TBC1D1: variants seen among roughly 807,000 people sequenced by gnomAD.
The protein encoded by TBC1D1 is TBC1 (tre-2/USP6, BUB2, cdc16) domain family, member 1.
A neutral mutation model predicts 125.6 loss-of-function variants in TBC1D1; 89 were observed. The observed-to-expected ratio is 0.71, with a 90% CI of 0.60 to 0.85. The LOEUF (loss-of-function observed/expected upper bound fraction) is 0.85. TBC1D1 is among the 40% of genes least tolerant of loss of function. The pLI is 0.00. For missense variants in TBC1D1, 1,377 were observed against 1,469.2 expected, an observed-to-expected ratio of 0.94 and a Z score of 1.03; for synonymous variants, 565 against 564.1, an observed-to-expected ratio of 1.00 and a Z score of -0.02.
At chr4:38,097,220 TG>T (rs1187429479) in intron 14 of TBC1D1, among the ~76,000 whole-genome samples, 2 of 152,182 alleles carry the variant, frequency 1.3e-5, no homozygotes, top group Non-Finnish European at 2.9e-5. Flanking sequence ...TGGAGTGCAA[TG>T]GCGCGATCTC....
chr4:37,928,669 C>A (rs759509650), intron 2 of TBC1D1, among the ~76,000 whole-genome samples: 3 of 152,182 alleles, frequency 2.0e-5, no homozygotes, highest in Non-Finnish European at 4.4e-5. Context: ...AACAGCCGAC[C>A]CATGCCAATT....
At chr4:38,026,106 A>G (rs1745031148) in intron 6 of TBC1D1, among the ~76,000 whole-genome samples, 1 of 151,976 alleles carries the variant, frequency 6.6e-6, no homozygotes, top group Non-Finnish European at 1.5e-5. Flanking sequence ...CATTTCTAAT[A>G]TTCATTTTAG....
chr4:38,119,212 A>G (rs1392836691), intron 17 of TBC1D1, among the ~76,000 whole-genome samples: 1 of 152,214 alleles, frequency 6.6e-6, no homozygotes, highest in Non-Finnish European at 1.5e-5. Context: ...ATACTACTTC[A>G]GACATGCTTT....
intron 1 of TBC1D1, among the ~76,000 whole-genome samples, chr4:37,896,598 C>A (rs1372109131): frequency 6.6e-6 from 1 of 152,026 alleles, no homozygotes; most frequent in Non-Finnish European, 1.5e-5. Flanking sequence ...TAAGAACAAA[C>A]AATATTTGGA....
chr4:37,985,425 G>A (rs1380551798), intron 2 of TBC1D1, among the ~76,000 whole-genome samples: 1 of 152,058 alleles, frequency 6.6e-6, no homozygotes, highest in East Asian at 1.9e-4. Flanking sequence ...ATGCACTTTG[G>A]TTATTTTCCT....
chr4:38,038,948 G>GAAAAAA (rs565226039), intron 8 of TBC1D1, among the ~76,000 whole-genome samples: 7 of 137,816 alleles, frequency 5.1e-5, no homozygotes, highest in African/African-American at 1.1e-4. Context: ...TCCCTCTCGG[G>GAAAAAA]AAAAAAAAAA....
chr4:38,063,717 C>T (rs1389507042), intron 12 of TBC1D1, among the ~76,000 whole-genome samples: 1 of 151,950 alleles, frequency 6.6e-6, no homozygotes, highest in Admixed American at 6.6e-5. Context: ...CAACCTCTGC[C>T]TCCTGGGTTC....
At chr4:37,929,054 A>G (rs1027151232) in intron 2 of TBC1D1, among the ~76,000 whole-genome samples, 3 of 152,202 alleles carry the variant, frequency 2.0e-5, no homozygotes, top group Non-Finnish European at 4.4e-5. Flanking sequence ...GGTGCTCTAA[A>G]TGTGTCATGA....
intron 2 of TBC1D1, among the ~76,000 whole-genome samples, chr4:37,994,713 C>T (rs1344602): frequency 0.39 from 58,875 of 151,944 alleles, 11,829 homozygotes; most frequent in East Asian, 0.59. Flanking sequence ...TGAAACTTGC[C>T]GTGTGACCTG....
At position 37,902,260 on chromosome 4, in the gene TBC1D1, C is replaced by G; in HGVS notation, c.165C>G (p.Thr55=). 6.2e-7 allele frequency: 1 copy of G among 1,614,020 alleles called. No homozygotes were observed. Among genetic ancestry groups the G allele is most frequent in the Non-Finnish European group, 8.5e-7 (1 of 1,180,006 alleles). The change falls in exon 2 of 20, where the codon ACC becomes ACG. Residue 55 remains threonine, a synonymous_variant. Coordinates refer to ENST00000261439, the MANE Select transcript of TBC1D1 (RefSeq NM_015173.4). Reference sequence around the variant, plus strand: ...TGCGAAGACTCAGCAGGCAGTCCACCAGAAAGGAACCTGTAACCAAGCAAG... The same window carrying G: ...TGCGAAGACTCAGCAGGCAGTCCACGAGAAAGGAACCTGTAACCAAGCAAG...
chr4:37,906,619 T>C (rs1232087124), intron 2 of TBC1D1, among the ~76,000 whole-genome samples: 1 of 152,220 alleles, frequency 6.6e-6, no homozygotes, highest in African/African-American at 2.4e-5. Flanking sequence ...GTTTCTCTGA[T>C]AGGGGGTCTT....
intron 13 of TBC1D1, among the ~76,000 whole-genome samples, chr4:38,090,437 G>GTCTC (rs57239189): frequency 1.3e-5 from 2 of 151,064 alleles, no homozygotes; most frequent in Non-Finnish European, 3.0e-5. Context: ...TTTCCCCTCT[G>GTCTC]TCTCTCTCTC....
At chr4:37,906,162 G>T (rs922140771) in intron 2 of TBC1D1, among the ~76,000 whole-genome samples, 1 of 148,116 alleles carries the variant, frequency 6.8e-6, no homozygotes, top group African/African-American at 2.6e-5. Flanking sequence ...TTTCCCCCCC[G>T]CTTGAGACAC....
intron 2 of TBC1D1, among the ~76,000 whole-genome samples, chr4:37,971,394 C>T (rs147204003): frequency 2.5e-4 from 38 of 152,248 alleles, no homozygotes; most frequent in Non-Finnish European, 4.7e-4. Context: ...ACATCTTACA[C>T]GGCAACAGAC....
chr4:37,919,884 G>A (rs1720556771), intron 2 of TBC1D1, among the ~76,000 whole-genome samples: 1 of 152,112 alleles, frequency 6.6e-6, no homozygotes, highest in Non-Finnish European at 1.5e-5. Flanking sequence ...AGGCCGAGGG[G>A]GGCGGATCAT....
intron 12 of TBC1D1, among the ~76,000 whole-genome samples, chr4:38,074,341 A>G (rs1260672271): frequency 6.6e-6 from 1 of 152,232 alleles, no homozygotes; most frequent in African/African-American, 2.4e-5. Context: ...AATCATCCCA[A>G]CACAAGGTTA....
intron 2 of TBC1D1, among the ~76,000 whole-genome samples, chr4:38,011,165 G>A (rs1355312896): frequency 1.3e-5 from 2 of 152,050 alleles, no homozygotes; most frequent in African/African-American, 2.4e-5. Flanking sequence ...CAGCCTGACC[G>A]ACAAGGAGAA....
chr4:38,136,085 G>A (rs114832549), intron 19 of TBC1D1, among the ~76,000 whole-genome samples: 197 of 152,154 alleles, frequency 1.3e-3, no homozygotes, highest in African/African-American at 4.5e-3. Flanking sequence ...GGTCAGAAAG[G>A]CCTCAGGGAC....
intron 2 of TBC1D1, among the ~76,000 whole-genome samples, chr4:37,996,380 A>C (rs188591822): frequency 6.6e-6 from 1 of 152,380 alleles, no homozygotes; most frequent in Non-Finnish European, 1.5e-5. Flanking sequence ...GCAGTCTAAA[A>C]TATATAAAGT....
Sources: allele counts gnomAD v4.1 joint callset (sites outside exome capture counted in the v4.1 genomes callset), GRCh38; gene constraint gnomAD v4.1.1; transcripts MANE v1.5; gene names NCBI Gene and HGNC (gene_info 2026-07-23, HGNC 2026-07-21).